The following UBE3B variants were observed in gnomAD, a reference collection of about 807,000 sequenced individuals.
UBE3B encodes ubiquitin-protein ligase E3B.
UBE3B carries 80 observed loss-of-function variants against 132.3 expected under a neutral mutation model. That is an observed-to-expected ratio of 0.60 (90% CI 0.50 to 0.73). The LOEUF (loss-of-function observed/expected upper bound fraction) is 0.73, where lower values mean the gene tolerates loss of function less well. Ranked by LOEUF, UBE3B falls within the 30% of genes least tolerant of loss-of-function variation. UBE3B has a pLI of 0.00. For synonymous variants in UBE3B, 487 were observed against 520.4 expected (o/e 0.94, Z 0.87); for missense variants, 1,196 against 1,362.5 (o/e 0.88, Z 1.92).
chr12:109,519,252 T>C (rs1471341966), intron 19 of UBE3B, among the ~76,000 whole-genome samples: 1 of 152,242 alleles, frequency 6.6e-6, no homozygotes, highest in Non-Finnish European at 1.5e-5. Flanking sequence ...ATCCCTTTTC[T>C]AGCTCAGTAT....
At chr12:109,542,390 G>A in the UBE3B span, among the ~76,000 whole-genome samples, 1 of 152,122 alleles carries the variant, frequency 6.6e-6, no homozygotes, top group Non-Finnish European at 1.5e-5. Context: ...ATTTACTCAG[G>A]TGCCAGCCAC....
chr12:109,539,713 G>A (rs567312559), downstream of UBE3B, among the ~76,000 whole-genome samples: 1 of 152,258 alleles, frequency 6.6e-6, no homozygotes, highest in South Asian at 2.1e-4. Context: ...GTTTGTTTTT[G>A]AAACTCCTTG....
intron 15 of UBE3B, chr12:109,508,713 G>A: frequency 1.0e-6 from 1 of 985,530 alleles, no homozygotes; most frequent in Non-Finnish European, 1.2e-6. Context: ...TTAATCACTG[G>A]ATGGGGGTAA....
the UBE3B span, among the ~76,000 whole-genome samples, chr12:109,543,565 G>A: frequency 1.3e-5 from 2 of 152,216 alleles, no homozygotes; most frequent in South Asian, 2.1e-4. Flanking sequence ...GAGGCTGGGC[G>A]TGGTGGCTCA....
chr12:109,529,876 C>T lies in UBE3B; in HGVS notation c.2628-14C>T. 6.2e-7 allele frequency: 1 copy of T among 1,613,874 alleles called. No homozygotes were observed. The highest frequency in any genetic ancestry group is 8.5e-7 in the Non-Finnish European group (1 of 1,179,732). ...TGTTAATTGTCATTGTTATCTCTTC[C>T]TTGTTGGCAACAGAATTAGCTACAT... On this transcript the variant is annotated splice_polypyrimidine_tract_variant and intron_variant, in intron 24 of 27. Transcript: ENST00000342494.
chr12:109,524,210 C>A, intron 22 of UBE3B, 95 bp downstream of exon 22: 1 of 1,541,596 alleles, frequency 6.5e-7, no homozygotes, highest in Non-Finnish European at 8.8e-7. Flanking sequence ...TCTCTTATTG[C>A]TGTTGCTGTA....
At position 109,516,457 on chromosome 12, in the gene UBE3B, G is replaced by A. The variant is rs140112589; in HGVS notation, c.1957-308G>A. On this transcript the variant is annotated intron_variant, in intron 18 of 27. Transcript: ENST00000342494. The stretch of plus-strand genomic sequence containing the variant: ...CTCCCAGAGTGCTGGGATTACAGGC[G>A]TGAGCCCCCACGCCCAGCCTTGAGG... Among the ~76,000 whole-genome samples the A allele has an allele frequency of 1.5e-3, 230 of 152,212 alleles. 3 individuals are homozygous for A. In the East Asian group the frequency reaches 0.025, roughly 16 times the overall value.
chr12:109,486,462 C>T lies in UBE3B; in HGVS notation c.343-9C>T, dbSNP rs1385497064. ...CAGCCCATGACATTCCTCTTTTTCCCACCTATAGGTGTGGTATGTGTCCCT... is the reference window on the plus strand; with the variant it reads ...CAGCCCATGACATTCCTCTTTTTCCTACCTATAGGTGTGGTATGTGTCCCT... On this transcript the variant is annotated splice_polypyrimidine_tract_variant and intron_variant, in intron 5 of 27. Coordinates refer to ENST00000342494, the MANE Select transcript of UBE3B (RefSeq NM_130466.4). 2 of 1,594,310 alleles carry T rather than the reference C, an allele frequency of 1.3e-6. No individual in the cohort carries two copies. Among genetic ancestry groups the T allele is most frequent in the Non-Finnish European group, 1.7e-6 (2 of 1,171,140 alleles).
At chr12:109,502,924 T>C in intron 13 of UBE3B, 99 bp from the exon 14 acceptor site, 1 of 1,455,540 alleles carries the variant, frequency 6.9e-7, no homozygotes. Context: ...CTGGCCTGGC[T>C]GTGCATTTAG....
intron 6 of UBE3B, among the ~76,000 whole-genome samples, 153 bp from the exon 7 acceptor site, chr12:109,488,419 G>T (rs773451092): frequency 5.9e-5 from 9 of 152,176 alleles, no homozygotes; most frequent in Non-Finnish European, 1.0e-4. Context: ...TCCTGGAGTG[G>T]TCATTGCCCA....
intron 26 of UBE3B, among the ~76,000 whole-genome samples, chr12:109,531,690 C>T (rs1053944151): frequency 6.6e-6 from 1 of 152,098 alleles, no homozygotes; most frequent in Non-Finnish European, 1.5e-5. Flanking sequence ...TGCCCCACAT[C>T]CCCACAGGTC....
At chr12:109,484,242 A>T (rs1478693646) in intron 4 of UBE3B, among the ~76,000 whole-genome samples, 1 of 152,214 alleles carries the variant, frequency 6.6e-6, no homozygotes, top group African/African-American at 2.4e-5. Context: ...AGTAAAAAAA[A>T]CATATATGAG....
chr12:109,489,258 C>T (rs190042776), intron 7 of UBE3B, among the ~76,000 whole-genome samples: 18 of 152,232 alleles, frequency 1.2e-4, no homozygotes, highest in African/African-American at 4.1e-4. Flanking sequence ...AGATGTCGCT[C>T]ATAGATATAA....
At position 109,535,978 on chromosome 12, in the gene UBE3B, C is replaced by G. The variant is rs1254468797; in HGVS notation, c.*1196C>G. ...CTCCCACCTCATGCTCCTGCACCTG[C>G]ACCACCAAGGTTGATGCCGGATTCG... On this transcript the variant is annotated 3_prime_UTR_variant, in exon 28 of 28. Coordinates refer to ENST00000342494, the MANE Select transcript of UBE3B (RefSeq NM_130466.4). 6.6e-6 allele frequency: 1 copy of G among 152,448 alleles called. No homozygotes were observed. 9.4% of individuals were successfully genotyped at this position (152,448 alleles called of 1,614,324 possible). A position where few individuals can be genotyped will look rare whatever the true frequency, so the allele number is the denominator to read the frequency against.
In UBE3B at chr12:109,497,875, C is replaced by T; in HGVS notation, c.771C>T (p.Ile257=). 6.2e-7 allele frequency: 1 copy of T among 1,614,228 alleles called. No homozygotes were observed. The highest frequency in any genetic ancestry group is 8.5e-7 in the Non-Finnish European group (1 of 1,180,038). Residue 257 remains isoleucine (I), a synonymous_variant, in exon 10 of 28, where the codon ATC becomes ATT. Transcript: ENST00000342494. ...DNLIRPFLIH[I]MSVPALVTHL... The stretch of plus-strand genomic sequence containing the variant: ...TGATTCGGCCGTTCCTCATCCACAT[C>T]ATGTCTGTGCCTGCTCTGGTGACTC...
chr12:109,533,956 C>T lies in UBE3B; in HGVS notation c.3015+398C>T, dbSNP rs79313296. On this transcript the variant is annotated intron_variant, in intron 27 of 27. Coordinates refer to ENST00000342494, the MANE Select transcript of UBE3B (RefSeq NM_130466.4). ...TACTCCTACCCCAGCAGGCTGTGCACGTCCAGGCTCGCTGCTTCATTTCCT... is the reference window on the plus strand; with the variant it reads ...TACTCCTACCCCAGCAGGCTGTGCATGTCCAGGCTCGCTGCTTCATTTCCT... 2.1e-4 allele frequency: 272 copies of T among 1,306,518 alleles called. 1 individual carries two copies. The highest frequency in any genetic ancestry group is 1.9e-3 in the South Asian group (154 of 81,206). 80.9% of individuals were successfully genotyped at this position (1,306,518 alleles called of 1,614,324 possible). A position where few individuals can be genotyped will look rare whatever the true frequency, so the allele number is the denominator to read the frequency against.
Position 109,511,082 on chromosome 12 carries a change from A to G in UBE3B, c.1857-122A>G, listed in dbSNP as rs535195404. On this transcript the variant is annotated intron_variant, in intron 17 of 27. Coordinates refer to ENST00000342494, the MANE Select transcript of UBE3B (RefSeq NM_130466.4). ...TATGAATGAGTATGGTCATGTTCCC[A>G]TCAGACTCTTGAGAAACAGACAGCA... The G allele has an allele frequency of 1.5e-4, 125 of 820,990 alleles. No individual in the cohort carries two copies. In the African/African-American group the frequency reaches 2.0e-3, roughly 13 times the overall value. The allele number at this position is 820,990 out of a possible 1,614,324, so 50.9% of individuals were successfully genotyped here.
At position 109,483,511 on chromosome 12, in the gene UBE3B, C is replaced by T; in HGVS notation, c.-21-20C>T. On this transcript the variant is annotated intron_variant, in intron 2 of 27. Coordinates refer to ENST00000342494, the MANE Select transcript of UBE3B (RefSeq NM_130466.4). ...TTCACACAACAATCTACAACACCCA[C>T]TTGCCCATTTTCCTTGCAGGGTTTG... 6.6e-7 allele frequency: 1 copy of T among 1,526,304 alleles called. No individual in the cohort carries two copies. The highest frequency in any genetic ancestry group is 1.4e-5 in the African/African-American group (1 of 72,116). 94.5% of individuals were successfully genotyped at this position (1,526,304 alleles called of 1,614,324 possible).
chr12:109,495,444 G>A (rs145835615), intron 9 of UBE3B, among the ~76,000 whole-genome samples: 1,547 of 152,134 alleles, frequency 0.01, 15 homozygotes, highest in Non-Finnish European at 0.014. Context: ...CCATTCCCTG[G>A]CATTTAGTAT....
Sources: allele counts gnomAD v4.1 joint callset (sites outside exome capture counted in the v4.1 genomes callset), GRCh38; gene constraint gnomAD v4.1.1; transcripts MANE v1.5; gene names NCBI Gene and HGNC (gene_info 2026-07-23, HGNC 2026-07-21).